ZNF469: variants seen among roughly 807,000 people sequenced by gnomAD.
ZNF469 encodes the protein zinc finger protein 469.
In ZNF469, 1 loss-of-function variant was observed where a neutral mutation model predicts 1.0. The ratio of observed to expected loss-of-function variants is 1.00; its 90% CI spans 0.35 to 4.73. The LOEUF is 4.73. Among genes scored for constraint, ZNF469 ranks in the 30% most tolerant of loss-of-function variants. ZNF469 has a pLI of 0.16. For missense variants in ZNF469, 6,100 were observed against 5,356.3 expected (o/e 1.14, Z -4.33); for synonymous variants, 2,703 against 2,363.4 (o/e 1.14, Z -4.17).
At chr16:88,114,193 A>G in the ZNF469 span, among the ~76,000 whole-genome samples, 7 of 140,998 alleles carry the variant, frequency 5.0e-5, 1 homozygote, top group East Asian at 4.2e-4. Context: ...AATGACAGGG[A>G]CCATACTCAC....
chr16:88,226,803 C>G, the ZNF469 span, among the ~76,000 whole-genome samples: 2 of 150,136 alleles, frequency 1.3e-5, no homozygotes, highest in Non-Finnish European at 3.0e-5. Context: ...GTTTCACCGT[C>G]TTATTTGCAC....
At chr16:88,322,384 C>T in the ZNF469 span, among the ~76,000 whole-genome samples, 1 of 152,230 alleles carries the variant, frequency 6.6e-6, no homozygotes, top group Admixed American at 6.5e-5. Flanking sequence ...ATGGCTCCTG[C>T]ACCTGCTCTC....
At chr16:88,251,853 C>T in the ZNF469 span, among the ~76,000 whole-genome samples, 5,062 of 151,950 alleles carry the variant, frequency 0.033, 263 homozygotes, top group African/African-American at 0.12. Flanking sequence ...GTCACCGCGC[C>T]GGGCCCCTGC....
the ZNF469 span, among the ~76,000 whole-genome samples, chr16:88,185,350 G>C: frequency 1.0e-3 from 156 of 151,512 alleles, no homozygotes; most frequent in African/African-American, 3.7e-3. Flanking sequence ...TACAATGCAT[G>C]CACACACAAA....
chr16:88,434,053 G>A lies in ZNF469; in HGVS notation c.6583G>A (p.Ala2195Thr). Residue 2195 changes from alanine to threonine, a missense_variant, in exon 3 of 3, where the codon GCT (alanine) becomes ACT (threonine). Physicochemically the swap from Ala to Thr is moderately conservative, Grantham distance 58. Coordinates refer to ENST00000565624, the MANE Select transcript of ZNF469 (RefSeq NM_001367624.2). ...TACTGGGGCTGAGGATTCCCCGGTG[G>A]CTCCCCCGTCTTTGACAACAAGCCC... ...TDTGAEDSPV[A>T]PPSLTTSPCD... 6.5e-7 allele frequency: 1 copy of A among 1,550,268 alleles called. No individual in the cohort carries two copies. Among genetic ancestry groups the A allele is most frequent in the Non-Finnish European group, 8.7e-7 (1 of 1,146,876 alleles).
At chr16:88,256,502 C>T in the ZNF469 span, among the ~76,000 whole-genome samples, 1 of 152,242 alleles carries the variant, frequency 6.6e-6, no homozygotes, top group East Asian at 1.9e-4. Context: ...GTGAATAAAG[C>T]TGCTATAAAC....
chr16:88,369,151 C>T, the ZNF469 span, among the ~76,000 whole-genome samples: 182 of 152,096 alleles, frequency 1.2e-3, no homozygotes, highest in Non-Finnish European at 1.8e-3. Flanking sequence ...CATCCTTGGG[C>T]GCCATCCTGA....
chr16:88,414,716 G>A (rs948382802), intron 1 of ZNF469, among the ~76,000 whole-genome samples: 1 of 152,244 alleles, frequency 6.6e-6, no homozygotes, highest in Non-Finnish European at 1.5e-5. Context: ...CCAGTGGGGG[G>A]TAACTTCCCC....
the ZNF469 span, among the ~76,000 whole-genome samples, chr16:88,121,220 G>A: frequency 1.3e-5 from 1 of 78,342 alleles, no homozygotes; most frequent in Non-Finnish European, 3.0e-5. Flanking sequence ...TACCATGCAT[G>A]GTGAAGGGGG....
the ZNF469 span, among the ~76,000 whole-genome samples, chr16:88,190,627 A>G: frequency 6.6e-6 from 1 of 152,224 alleles, no homozygotes; most frequent in South Asian, 2.1e-4. Context: ...GCTGGAAGCA[A>G]CACAGGCAAG....
the ZNF469 span, among the ~76,000 whole-genome samples, chr16:88,346,476 C>A: frequency 6.6e-6 from 1 of 152,258 alleles, no homozygotes; most frequent in Admixed American, 6.5e-5. Context: ...AGCCACAGAG[C>A]AAACCCTACA....
At chr16:88,354,607 C>T in the ZNF469 span, among the ~76,000 whole-genome samples, 45 of 122,178 alleles carry the variant, frequency 3.7e-4, no homozygotes, top group South Asian at 1.4e-3. Context: ...AGGGTGCGTG[C>T]GAAGGCGCTT....
intron 1 of ZNF469, among the ~76,000 whole-genome samples, chr16:88,393,004 G>A (rs1478174660): frequency 2.0e-5 from 3 of 152,278 alleles, no homozygotes; most frequent in African/African-American, 7.2e-5. Flanking sequence ...GGCACAGAGA[G>A]GCCTCAGAGC....
the ZNF469 span, among the ~76,000 whole-genome samples, chr16:88,176,965 C>T: frequency 8.5e-4 from 130 of 152,336 alleles, 1 homozygote; most frequent in Non-Finnish European, 1.1e-3. Context: ...GTCTGTGACC[C>T]GTGGCAGGGA....
the ZNF469 span, among the ~76,000 whole-genome samples, chr16:88,216,244 C>A: frequency 2.0e-5 from 3 of 152,048 alleles, no homozygotes; most frequent in Non-Finnish European, 2.9e-5. Context: ...GGCTGTAATC[C>A]CAGCACTTTG....
At chr16:88,238,643 T>C in the ZNF469 span, among the ~76,000 whole-genome samples, 1 of 152,168 alleles carries the variant, frequency 6.6e-6, no homozygotes, top group African/African-American at 2.4e-5. Context: ...AATGTATATA[T>C]CTGAGAACAT....
At chr16:88,303,391 G>C in the ZNF469 span, among the ~76,000 whole-genome samples, 1 of 152,304 alleles carries the variant, frequency 6.6e-6, no homozygotes, top group African/African-American at 2.4e-5. Context: ...GTTCTTTCCA[G>C]TGGGCCTTTC....
the ZNF469 span, among the ~76,000 whole-genome samples, chr16:88,287,108 G>A: frequency 4.6e-5 from 7 of 152,288 alleles, no homozygotes; most frequent in Admixed American, 3.3e-4. Flanking sequence ...GTAGGGTCCA[G>A]GCCATATGCT....
At chr16:88,183,764 A>T in the ZNF469 span, among the ~76,000 whole-genome samples, 3 of 152,242 alleles carry the variant, frequency 2.0e-5, no homozygotes, top group South Asian at 6.2e-4. Flanking sequence ...AATAAACCTG[A>T]CTTGTAAAAG....
Sources: allele counts gnomAD v4.1 joint callset (sites outside exome capture counted in the v4.1 genomes callset), GRCh38; gene constraint gnomAD v4.1.1; transcripts MANE v1.5; gene names NCBI Gene and HGNC (gene_info 2026-07-23, HGNC 2026-07-21).